Variants in GPC5 observed in about 807,000 individuals in gnomAD.
The protein encoded by GPC5 is glypican-5.
A neutral mutation model predicts 53.9 loss-of-function variants in GPC5; 47 were observed. The observed-to-expected ratio is 0.87, with a 90% CI of 0.69 to 1.11. The LOEUF (loss-of-function observed/expected upper bound fraction) is 1.11, where lower values mean the gene tolerates loss of function less well. GPC5 is among the 50% of genes most tolerant of loss of function. The pLI, the probability that GPC5 is intolerant of heterozygous loss-of-function variation, is 0.00. For synonymous variants in GPC5, 286 were observed against 263.3 expected, an observed-to-expected ratio of 1.09 and a Z score of -0.84; for missense variants, 748 against 713.1, an observed-to-expected ratio of 1.05 and a Z score of -0.56.
intron 7 of GPC5, among the ~76,000 whole-genome samples, chr13:92,844,948 A>C (rs1215632762): frequency 6.6e-6 from 1 of 152,124 alleles, no homozygotes; most frequent in Non-Finnish European, 1.5e-5. Context: ...GCTCACAGAT[A>C]CAGTTGGAAG....
At chr13:91,907,415 A>G (rs1403832765) in intron 5 of GPC5, among the ~76,000 whole-genome samples, 2 of 104,742 alleles carry the variant, frequency 1.9e-5, no homozygotes, top group African/African-American at 2.8e-5. Flanking sequence ...ATATATGTAC[A>G]TGTATATATA....
intron 7 of GPC5, among the ~76,000 whole-genome samples, chr13:92,310,087 CT>C (rs1468776109): frequency 1.4e-5 from 2 of 145,366 alleles, no homozygotes; most frequent in Non-Finnish European, 2.9e-5. Context: ...GGATTCCCTT[CT>C]TTTTTAAGGC....
intron 6 of GPC5, among the ~76,000 whole-genome samples, chr13:92,097,971 G>A (rs2041434922): frequency 6.6e-6 from 1 of 152,108 alleles, no homozygotes; most frequent in African/African-American, 2.4e-5. Flanking sequence ...ACACCTTTAA[G>A]TCTTTTATTC....
chr13:92,648,308 C>T (rs540413316), intron 7 of GPC5, among the ~76,000 whole-genome samples: 3 of 152,112 alleles, frequency 2.0e-5, no homozygotes, highest in East Asian at 1.9e-4. Context: ...AGGCAACATG[C>T]TCAGTCTTTG....
intron 7 of GPC5, among the ~76,000 whole-genome samples, chr13:92,184,540 G>T (rs2042170681): frequency 6.6e-6 from 1 of 152,092 alleles, no homozygotes; most frequent in Admixed American, 6.6e-5. Flanking sequence ...ATAACTAAGA[G>T]CAACCTTCCA....
At chr13:92,244,029 G>C (rs2042632876) in intron 7 of GPC5, among the ~76,000 whole-genome samples, 1 of 151,998 alleles carries the variant, frequency 6.6e-6, no homozygotes, top group East Asian at 1.9e-4. Context: ...ATGAGGCATA[G>C]AGATCAGGAA....
intron 7 of GPC5, among the ~76,000 whole-genome samples, chr13:92,484,279 G>A (rs749947611): frequency 3.3e-5 from 5 of 152,138 alleles, no homozygotes; most frequent in Non-Finnish European, 7.3e-5. Flanking sequence ...TGATAACAAC[G>A]ACTCTTGGAA....
intron 2 of GPC5, among the ~76,000 whole-genome samples, chr13:91,528,299 A>AT: frequency 6.6e-6 from 1 of 152,168 alleles, no homozygotes; most frequent in South Asian, 2.1e-4. Context: ...CTGCTTAGAA[A>AT]TTTCTTCTGC....
intron 7 of GPC5, among the ~76,000 whole-genome samples, chr13:92,591,570 C>A (rs984379056): frequency 6.6e-6 from 1 of 152,094 alleles, no homozygotes; most frequent in African/African-American, 2.4e-5. Flanking sequence ...ACATTGATTA[C>A]CACACATAGT....
intron 6 of GPC5, among the ~76,000 whole-genome samples, chr13:92,019,019 T>A (rs565483903): frequency 1.3e-5 from 2 of 152,034 alleles, no homozygotes; most frequent in Non-Finnish European, 2.9e-5. Flanking sequence ...TATTGGTGTA[T>A]GTTCGATATT....
At chr13:91,754,065 CA>C in intron 4 of GPC5, among the ~76,000 whole-genome samples, 1 of 152,242 alleles carries the variant, frequency 6.6e-6, no homozygotes, top group South Asian at 2.1e-4. Context: ...TAAATCCTTT[CA>C]GAATAAATAT....
At chr13:92,844,536 A>ATGTGTG (rs36093777) in intron 7 of GPC5, among the ~76,000 whole-genome samples, 7,800 of 149,708 alleles carry the variant, frequency 0.052, 480 homozygotes, top group East Asian at 0.32. Context: ...TACAGGAAAA[A>ATGTGTG]TGTGTGTGTG....
intron 2 of GPC5, among the ~76,000 whole-genome samples, chr13:91,454,811 A>C (rs1396493634): frequency 2.0e-5 from 3 of 152,020 alleles, no homozygotes; most frequent in Non-Finnish European, 2.9e-5. Context: ...TGCTTTTTAA[A>C]ATAAGATATT....
At chr13:91,641,050 G>A (rs1182932883) in intron 2 of GPC5, among the ~76,000 whole-genome samples, 5 of 152,074 alleles carry the variant, frequency 3.3e-5, no homozygotes, top group African/African-American at 4.8e-5. Context: ...CACTGCGGCC[G>A]GGTGCAGTGG....
At chr13:91,735,011 A>G (rs891035346) in intron 4 of GPC5, among the ~76,000 whole-genome samples, 1 of 150,932 alleles carries the variant, frequency 6.6e-6, no homozygotes, top group African/African-American at 2.5e-5. Context: ...TTCCTTTTAG[A>G]CATTGAAAAC....
chr13:92,754,022 A>C (rs932661762), intron 7 of GPC5, among the ~76,000 whole-genome samples: 4 of 152,200 alleles, frequency 2.6e-5, no homozygotes, highest in African/African-American at 4.8e-5. Flanking sequence ...CAAGACACAT[A>C]ATTGTCAGAT....
chr13:92,728,665 T>C (rs991610898), intron 7 of GPC5, among the ~76,000 whole-genome samples: 16 of 151,502 alleles, frequency 1.1e-4, no homozygotes, highest in Non-Finnish European at 1.8e-4. Flanking sequence ...TATCTTAATG[T>C]TTTCCTGGAA....
intron 7 of GPC5, among the ~76,000 whole-genome samples, chr13:92,368,591 C>T (rs1004504750): frequency 9.5e-5 from 13 of 136,272 alleles, no homozygotes; most frequent in African/African-American, 2.2e-4. Context: ...GAGCCAAGAT[C>T]GCACCACTAC....
intron 7 of GPC5, among the ~76,000 whole-genome samples, chr13:92,602,599 A>G (rs1566314375): frequency 6.6e-6 from 1 of 152,124 alleles, no homozygotes; most frequent in Non-Finnish European, 1.5e-5. Flanking sequence ...GCAAAGCCCT[A>G]GGTTCTTGCA....
Sources: gnomAD v4.1 joint callset for allele counts (sites outside exome capture counted in the v4.1 genomes callset) on GRCh38, gnomAD v4.1.1 for gene constraint, MANE v1.5 for transcripts, NCBI Gene and HGNC (gene_info 2026-07-23, HGNC 2026-07-21) for gene names.